Variants in JAKMIP3 observed in about 807,000 individuals in gnomAD.
JAKMIP3 encodes the protein janus kinase and microtubule-interacting protein 3.
Under a neutral mutation model 118.5 loss-of-function variants are expected in JAKMIP3, and 58 were observed. The ratio of observed to expected loss-of-function variants is 0.49; its 90% CI spans 0.40 to 0.61. JAKMIP3 has a LOEUF of 0.61. Among genes scored for constraint, JAKMIP3 ranks in the 20% least tolerant of loss-of-function variants. The pLI, the probability that JAKMIP3 is intolerant of heterozygous loss-of-function variation, is 0.00. For missense variants in JAKMIP3, 950 were observed against 1,109.0 expected (o/e 0.86, Z 2.04); for synonymous variants, 486 against 451.2 (o/e 1.08, Z -0.98).
At chr10:132,111,455 C>T (rs900556371) in intron 2 of JAKMIP3, among the ~76,000 whole-genome samples, 43 of 152,174 alleles carry the variant, frequency 2.8e-4, no homozygotes, top group African/African-American at 9.9e-4. Flanking sequence ...CCTCGAGCGC[C>T]GGGAAGTCCA....
intron 23 of JAKMIP3, among the ~76,000 whole-genome samples, chr10:132,170,670 G>T (rs2059405562): frequency 6.6e-6 from 1 of 152,172 alleles, no homozygotes. Flanking sequence ...GGGCGGTCAG[G>T]GTAGACAGGC....
intron 9 of JAKMIP3, among the ~76,000 whole-genome samples, chr10:132,139,303 TGTGA>T (rs3077811): frequency 0.27 from 31,405 of 117,870 alleles, 6,053 homozygotes; most frequent in East Asian, 0.61. Context: ...TGTGTATGTG[TGTGA>T]GTGTGTATGT....
chr10:132,060,952 T>TG (rs1365425780), upstream of JAKMIP3, among the ~76,000 whole-genome samples: 1 of 151,808 alleles, frequency 6.6e-6, no homozygotes, highest in Non-Finnish European at 1.5e-5. Context: ...CCAGGGGTGG[T>TG]GGGGGAAGGT....
intron 2 of JAKMIP3, among the ~76,000 whole-genome samples, chr10:132,106,896 T>C (rs775816876): frequency 4.6e-5 from 7 of 152,112 alleles, no homozygotes; most frequent in Non-Finnish European, 8.8e-5. Context: ...ATTATCTTTT[T>C]TTAAAAAAAC....
At chr10:132,109,222 G>A (rs959643220) in intron 2 of JAKMIP3, among the ~76,000 whole-genome samples, 6 of 152,102 alleles carry the variant, frequency 3.9e-5, no homozygotes, top group South Asian at 4.1e-4. Flanking sequence ...AGGATGGCTT[G>A]AGCCCAGGAG....
intron 9 of JAKMIP3, 40 bp downstream of exon 9, chr10:132,138,218 GGT>G (rs1589912785): frequency 4.5e-6 from 7 of 1,553,292 alleles, no homozygotes; most frequent in Non-Finnish European, 6.1e-6. Context: ...GAGTACGCCG[GGT>G]GTGTGCGGAG....
rs1554962887 is a variant in JAKMIP3, at chr10:132,180,590, T to TGTGC, written c.*1104-1764_*1104-1763insCGTG. Among the ~76,000 whole-genome samples, 14 of 21,684 alleles carry TGTGC rather than the reference T, an allele frequency of 6.5e-4. 2 individuals carry two copies. Among genetic ancestry groups the TGTGC allele is most frequent in the Admixed American group, 2.7e-3 (4 of 1,508 alleles). 14.2% of individuals were successfully genotyped at this position (21,684 alleles called of 152,430 possible). ...GTGCGTGTGTGTGTGCGTGCGCGTG[T>TGTGC]GTGTGTGCGTGCGCGTGTGTGTGTG... On this transcript the variant is annotated intron_variant, in intron 23 of 23. Transcript: ENST00000684848.
intron 22 of JAKMIP3, among the ~76,000 whole-genome samples, chr10:132,167,681 G>A (rs567920254): frequency 5.3e-5 from 8 of 152,198 alleles, no homozygotes; most frequent in South Asian, 4.1e-4. Context: ...AGCAGGTCCC[G>A]AGAGGAGCTT....
chr10:132,147,217 C>A (rs1370730422), intron 13 of JAKMIP3, among the ~76,000 whole-genome samples: 1 of 152,190 alleles, frequency 6.6e-6, no homozygotes, highest in Non-Finnish European at 1.5e-5. Context: ...TCCAAGGATG[C>A]AATGCTTCTG....
rs1283757634 is a variant in JAKMIP3 at position 132,149,311 on chromosome 10, G to T, written c.1849-101G>T. 3 of 742,112 alleles carry T rather than the reference G, an allele frequency of 4.0e-6. No individual in the cohort carries two copies. The African/African-American group carries it at 5.3e-5, about 13-fold the overall frequency. The allele number at this position is 742,112 out of a possible 1,614,324, so 46.0% of individuals were successfully genotyped here. On this transcript the variant is annotated intron_variant, in intron 14 of 23. Transcript: ENST00000684848. ...TTTCATAAATGCTGTGTTGATCCCTGGTTCCATGGTCTTGGCCCGTGTTCC... is the reference window on the plus strand; with the variant it reads ...TTTCATAAATGCTGTGTTGATCCCTTGTTCCATGGTCTTGGCCCGTGTTCC...
intron 1 of JAKMIP3, among the ~76,000 whole-genome samples, chr10:132,101,123 A>G (rs2044830271): frequency 6.6e-6 from 1 of 152,116 alleles, no homozygotes; most frequent in Admixed American, 6.5e-5. Context: ...TGTTCGGAGG[A>G]GCTGGGCACT....
intron 23 of JAKMIP3, among the ~76,000 whole-genome samples, chr10:132,180,638 C>A (rs868134654): frequency 2.1e-4 from 2 of 9,376 alleles, no homozygotes; most frequent in African/African-American, 9.6e-4. Flanking sequence ...TGTGTGCGTG[C>A]GTGTGTGCGT....
intron 1 of JAKMIP3, among the ~76,000 whole-genome samples, chr10:132,081,768 T>TG (rs1024341385): frequency 6.6e-6 from 1 of 151,850 alleles, no homozygotes; most frequent in African/African-American, 2.4e-5. Flanking sequence ...CGAGGAGTCT[T>TG]GGGGGGAGAC....
intron 1 of JAKMIP3, among the ~76,000 whole-genome samples, chr10:132,078,624 G>GGGGGT (rs1554920996): frequency 8.9e-6 from 1 of 112,676 alleles, no homozygotes; most frequent in African/African-American, 3.8e-5. Flanking sequence ...GGGGGCGGGG[G>GGGGGT]GGGGGGGGGG....
At chr10:132,174,448 G>A (rs1207929782) in intron 23 of JAKMIP3, among the ~76,000 whole-genome samples, 1 of 152,076 alleles carries the variant, frequency 6.6e-6, no homozygotes, top group Non-Finnish European at 1.5e-5. Flanking sequence ...GGCTCTGTGG[G>A]CTCCGTGGGT....
intron 19 of JAKMIP3, among the ~76,000 whole-genome samples, chr10:132,158,015 G>T (rs1312291518): frequency 6.6e-6 from 1 of 152,076 alleles, no homozygotes; most frequent in Non-Finnish European, 1.5e-5. Flanking sequence ...TGAGGTGTGT[G>T]TGAGGCAGGT....
chr10:132,120,401 C>T lies in JAKMIP3; in HGVS notation c.633+2827C>T, dbSNP rs1181721013. Among the ~76,000 whole-genome samples the T allele has an allele frequency of 3.3e-5, 5 of 152,304 alleles. No homozygotes were observed. The South Asian group carries it at 6.2e-4, about 19-fold the overall frequency. On this transcript the variant is annotated intron_variant, in intron 3 of 23. Coordinates refer to ENST00000684848, the MANE Select transcript of JAKMIP3 (RefSeq NM_001323087.2). ...GTGGCTGCTGGAGCCCAGCTCAGTC[C>T]GCACAGCTGCTGGGATGCACTTCCT... is the stretch of plus-strand genomic sequence containing the variant.
chr10:132,135,660 G>T (rs545093695), intron 5 of JAKMIP3, among the ~76,000 whole-genome samples: 2 of 152,202 alleles, frequency 1.3e-5, no homozygotes, highest in African/African-American at 4.8e-5. Context: ...CCCCGGGGAC[G>T]CCGAGCCCAG....
At chr10:132,122,905 T>TG (rs375365453) in intron 3 of JAKMIP3, among the ~76,000 whole-genome samples, 8 of 152,292 alleles carry the variant, frequency 5.3e-5, no homozygotes, top group African/African-American at 1.7e-4. Context: ...CAGAATGCCT[T>TG]GGCTAGGGAA....
Sources: gnomAD v4.1 joint callset for allele counts (sites outside exome capture counted in the v4.1 genomes callset) on GRCh38, gnomAD v4.1.1 for gene constraint, MANE v1.5 for transcripts, NCBI Gene and HGNC (gene_info 2026-07-23, HGNC 2026-07-21) for gene names.